ZNF462: variants seen among roughly 807,000 people sequenced by gnomAD.
ZNF462 encodes zinc finger protein 462, also known as zinc finger PBX1-interacting protein.
Under a neutral mutation model 201.9 loss-of-function variants are expected in ZNF462, and 10 were observed. That is an observed-to-expected ratio of 0.05 (90% CI 0.03 to 0.08). ZNF462 has a LOEUF of 0.08. Ranked by LOEUF, ZNF462 falls within the 10% of genes least tolerant of loss-of-function variation. The pLI, the probability that ZNF462 is intolerant of heterozygous loss-of-function variation, is 1.00. For missense variants in ZNF462, 2,523 were observed against 3,168.3 expected (o/e 0.80, Z 4.89); for synonymous variants, 1,227 against 1,193.3 (o/e 1.03, Z -0.58).
chr9:106,953,435 G>C (rs1409256729), intron 7 of ZNF462, among the ~76,000 whole-genome samples: 2 of 152,166 alleles, frequency 1.3e-5, no homozygotes, highest in Non-Finnish European at 2.9e-5. Context: ...CACGGCCTCT[G>C]CTCTTGCCTC....
At chr9:106,994,048 C>G (rs1458889412) in intron 10 of ZNF462, among the ~76,000 whole-genome samples, 2 of 152,134 alleles carry the variant, frequency 1.3e-5, no homozygotes, top group African/African-American at 4.8e-5. Context: ...GTTCTGAACT[C>G]TCTTTGCTAG....
At chr9:106,900,376 T>A (rs1170354654) in intron 1 of ZNF462, among the ~76,000 whole-genome samples, 1 of 152,088 alleles carries the variant, frequency 6.6e-6, no homozygotes, top group African/African-American at 2.4e-5. Flanking sequence ...AATAATGACT[T>A]CATTTCCTCT....
intron 7 of ZNF462, among the ~76,000 whole-genome samples, chr9:106,953,457 T>G (rs920903696): frequency 1.3e-5 from 2 of 152,154 alleles, no homozygotes; most frequent in African/African-American, 4.8e-5. Flanking sequence ...TCCTTCTTTT[T>G]TTGTCTGTGG....
chr9:106,875,785 C>T (rs1489079759), intron 1 of ZNF462, among the ~76,000 whole-genome samples: 6 of 152,184 alleles, frequency 3.9e-5, no homozygotes, highest in African/African-American at 1.4e-4. Context: ...GCAGGCTTCC[C>T]TTTCTGACAT....
intron 9 of ZNF462, among the ~76,000 whole-genome samples, chr9:106,983,357 G>C (rs148096135): frequency 6.6e-6 from 1 of 152,050 alleles, no homozygotes; most frequent in Non-Finnish European, 1.5e-5. Flanking sequence ...CCTGTCTCCT[G>C]CGCAACCCCA....
Position 106,880,752 on chromosome 9 carries a change from T to C in ZNF462, c.-31+17397T>C, listed in dbSNP as rs1321846782. 6.6e-6 allele frequency among the ~76,000 whole-genome samples: 1 copy of C among 152,244 alleles called. No homozygotes were observed. The highest frequency in any genetic ancestry group is 6.5e-5 in the Admixed American group (1 of 15,284). ...AGTATAAGGGAAAAGTAAAACATTT[T>C]GGTTCCTTTGTGAATTAAAAAGGAA... On this transcript the variant is annotated intron_variant, in intron 1 of 12. Transcript: ENST00000277225. The surrounding 1 kb of genome is among the most constrained non-coding windows in gnomAD (Gnocchi z 4.1).
intron 10 of ZNF462, among the ~76,000 whole-genome samples, chr9:106,992,268 T>C (rs928979257): frequency 1.3e-5 from 2 of 152,008 alleles, no homozygotes; most frequent in African/African-American, 4.8e-5. Context: ...ACTTGGGAAA[T>C]ATAAATTAAG....
At chr9:106,988,480 CAG>C (rs1374860164) in intron 10 of ZNF462, among the ~76,000 whole-genome samples, 1 of 152,184 alleles carries the variant, frequency 6.6e-6, no homozygotes, top group Admixed American at 6.5e-5. Context: ...GTGATGTCCT[CAG>C]AGTTATTATT....
At chr9:106,942,865 T>C (rs1034310121) in intron 7 of ZNF462, among the ~76,000 whole-genome samples, 1 of 152,200 alleles carries the variant, frequency 6.6e-6, no homozygotes, top group African/African-American at 2.4e-5. Flanking sequence ...GTGGTGACAT[T>C]CCATCTTTTT....
At position 106,919,457 on chromosome 9, in the gene ZNF462, G is replaced by T. The variant is rs1829902559; in HGVS notation, c.-30-3897G>T. Reference sequence around the variant, plus strand: ...TATAAATTAAAATTGGTGTTCTTAAGATTGAAAATGAGCAGGCTTTGTCCA... The same window carrying T: ...TATAAATTAAAATTGGTGTTCTTAATATTGAAAATGAGCAGGCTTTGTCCA... On this transcript the variant is annotated intron_variant, in intron 1 of 12. Transcript: ENST00000277225. This position sits in a 1 kb window ranked among gnomAD's most constrained non-coding sequence, Gnocchi z 4.5. Among the ~76,000 whole-genome samples, 1 of 152,176 alleles carries T rather than the reference G, an allele frequency of 6.6e-6. No homozygotes were observed. The highest frequency in any genetic ancestry group is 6.5e-5 in the Admixed American group (1 of 15,284).
At chr9:106,988,398 A>C (rs1394692271) in intron 10 of ZNF462, among the ~76,000 whole-genome samples, 4 of 152,092 alleles carry the variant, frequency 2.6e-5, no homozygotes, top group Non-Finnish European at 4.4e-5. Flanking sequence ...GACCCCTCCC[A>C]CAGTACATGG....
chr9:106,969,919 A>G (rs1826502210), intron 7 of ZNF462, among the ~76,000 whole-genome samples: 1 of 152,196 alleles, frequency 6.6e-6, no homozygotes, highest in Non-Finnish European at 1.5e-5. Context: ...CTCAACTTAC[A>G]GCTCAAGCCT....
chr9:106,951,635 C>T (rs570064261), intron 7 of ZNF462, among the ~76,000 whole-genome samples: 48 of 152,228 alleles, frequency 3.2e-4, no homozygotes, highest in African/African-American at 1.1e-3. Context: ...CTAGCCCAGG[C>T]AGAGCAGCTT....
intron 7 of ZNF462, among the ~76,000 whole-genome samples, chr9:106,944,877 A>G (rs559936002): frequency 4.6e-5 from 7 of 152,304 alleles, no homozygotes; most frequent in African/African-American, 1.7e-4. Flanking sequence ...TATTTTCAGC[A>G]CTGTAGGTTA....
chr9:106,926,047 A>G lies in ZNF462; in HGVS notation c.2135A>G (p.Gln712Arg), dbSNP rs960087148. ...NLQSKINQTK[Q>R]QEDAVINVED... ...CAGAGCAAAATTAACCAAACCAAAC[A>G]GCAGGAAGATGCAGTGATCAATGTT... Residue 712 changes from glutamine to arginine, a missense_variant, in exon 3 of 13, where the codon CAG (glutamine) becomes CGG (arginine). Physicochemically the swap from Gln to Arg is conservative, Grantham distance 43 (BLOSUM62 1). Coordinates refer to ENST00000277225, the MANE Select transcript of ZNF462 (RefSeq NM_021224.6). The surrounding 1 kb of genome is among the most constrained non-coding windows in gnomAD (Gnocchi z 7.9). The G allele has an allele frequency of 3.1e-6, 5 of 1,614,136 alleles. No individual in the cohort carries two copies. The highest frequency in any genetic ancestry group is 1.3e-5 in the African/African-American group (1 of 74,950).
chr9:107,003,570 A>C lies in ZNF462; in HGVS notation c.7189+144A>C. ...AGCAGAACAGACTGACTTAGAAAAC[A>C]CATCAAGAGCTGTGTCTTTGTAAAC... On this transcript the variant is annotated intron_variant, in intron 11 of 12. Coordinates refer to ENST00000277225, the MANE Select transcript of ZNF462 (RefSeq NM_021224.6). The surrounding 1 kb of genome is among the most constrained non-coding windows in gnomAD (Gnocchi z 4.4). The C allele has an allele frequency of 9.4e-7, 1 of 1,066,530 alleles. No individual in the cohort carries two copies. Among genetic ancestry groups the C allele is most frequent in the Non-Finnish European group, 1.3e-6 (1 of 789,568 alleles). The allele number at this position is 1,066,530 out of a possible 1,614,324, so 66.1% of individuals were successfully genotyped here. A position where few individuals can be genotyped will look rare whatever the true frequency, so the allele number is the denominator to read the frequency against.
Position 106,925,571 on chromosome 9 carries a change from A to G in ZNF462, c.1659A>G (p.Pro553=), listed in dbSNP as rs1564104139. The change falls in exon 3 of 13, where the codon CCA becomes CCG. Residue 553 remains proline, a synonymous_variant. Transcript: ENST00000277225. This position sits in a 1 kb window ranked among gnomAD's most constrained non-coding sequence, Gnocchi z 7.9. The stretch of plus-strand genomic sequence containing the variant: ...CACCACCACCGCCGCCGCCACCACC[A>G]CCATCACAGCCACAGCCACTGCAGC... ...PQPPPPPPPP[P]PSQPQPLQQP... is the part of the protein sequence containing the mutation. The G allele has an allele frequency of 1.2e-6, 2 of 1,610,544 alleles. No homozygotes were observed. The highest frequency in any genetic ancestry group is 1.7e-6 in the Non-Finnish European group (2 of 1,178,470).
At position 106,872,089 on chromosome 9, in the gene ZNF462, A is replaced by G. The variant is rs1055069761; in HGVS notation, c.-31+8734A>G. Among the ~76,000 whole-genome samples the G allele has an allele frequency of 6.6e-6, 1 of 152,186 alleles. No homozygotes were observed. The highest frequency in any genetic ancestry group is 2.4e-5 in the African/African-American group (1 of 41,444). Reference sequence around the variant, plus strand: ...TGTTTAGCCATTCTAATCCCTAATTACATCATCCCTCTGTGTTATGACTAA... The same window carrying G: ...TGTTTAGCCATTCTAATCCCTAATTGCATCATCCCTCTGTGTTATGACTAA... On this transcript the variant is annotated intron_variant, in intron 1 of 12. Coordinates refer to ENST00000277225, the MANE Select transcript of ZNF462 (RefSeq NM_021224.6). The surrounding 1 kb of genome is among the most constrained non-coding windows in gnomAD (Gnocchi z 4.5).
chr9:106,913,735 T>C lies in ZNF462; in HGVS notation c.-30-9619T>C, dbSNP rs1588045028. ...GCCTCAGCCTCCCGAGTAGCTGGGA[T>C]TACAGGCACCTGCCACCAAGCCCGG... On this transcript the variant is annotated intron_variant, in intron 1 of 12. Transcript: ENST00000277225. The surrounding 1 kb of genome is among the most constrained non-coding windows in gnomAD (Gnocchi z 4.1). Among the ~76,000 whole-genome samples the C allele has an allele frequency of 6.7e-6, 1 of 150,342 alleles. No homozygotes were observed. The highest frequency in any genetic ancestry group is 2.4e-5 in the African/African-American group (1 of 41,258).
Sources: gnomAD v4.1 joint callset for allele counts (sites outside exome capture counted in the v4.1 genomes callset) on GRCh38, gnomAD v4.1.1 for gene constraint, Gnocchi (gnomAD v3.1) non-coding constraint, MANE v1.5 for transcripts, NCBI Gene and HGNC (gene_info 2026-07-23, HGNC 2026-07-21) for gene names.